Variants in BSPRY observed in about 807,000 individuals in gnomAD.
BSPRY encodes B box and SPRY domain-containing protein.
In BSPRY, 33 loss-of-function variants were observed where a neutral mutation model predicts 38.0. The observed-to-expected ratio is 0.87, with a 90% CI of 0.66 to 1.16. The LOEUF is 1.16. BSPRY is among the 50% of genes most tolerant of loss of function. The pLI is 0.00. For synonymous variants in BSPRY, 224 were observed against 228.5 expected (o/e 0.98, Z 0.18); for missense variants, 523 against 533.2 (o/e 0.98, Z 0.19).
At chr9:113,354,854 ATTC>A (rs1054673320) in intron 2 of BSPRY, among the ~76,000 whole-genome samples, 17 of 150,036 alleles carry the variant, frequency 1.1e-4, no homozygotes, top group African/African-American at 3.9e-4. Context: ...CCCACTGCTG[ATTC>A]TTTTTTTTAA....
intron 2 of BSPRY, among the ~76,000 whole-genome samples, chr9:113,360,244 A>G (rs1327626220): frequency 6.6e-6 from 1 of 152,196 alleles, no homozygotes; most frequent in African/African-American, 2.4e-5. Context: ...AGTCCTGCCC[A>G]GGTCTTCCAT....
rs745872082 is a variant in BSPRY, at chr9:113,370,074, G to C, written c.1141G>C (p.Val381Leu). 1.2e-6 allele frequency: 2 copies of C among 1,612,428 alleles called. No individual in the cohort carries two copies. Among genetic ancestry groups the C allele is most frequent in the South Asian group, 2.2e-5 (2 of 90,838 alleles). ...CGGCACAGTGCTCTGTGCCCATCAT[G>C]TGTCCTTCCCGGGGCCCCTCTTCCC... ...ASGTVLCAHH[V>L]SFPGPLFPVF... is the part of the protein sequence containing the mutation. Residue 381 changes from valine to leucine, a missense_variant, in exon 6 of 6, where the codon GTG becomes CTG. Val to Leu is a conservative substitution (Grantham distance 32). Transcript: ENST00000374183. This position sits in a 1 kb window ranked among gnomAD's most constrained non-coding sequence, Gnocchi z 4.8.
chr9:113,362,292 G>A, intron 3 of BSPRY, 77 bp from the exon 4 acceptor site: 7 of 1,507,872 alleles, frequency 4.6e-6, no homozygotes, highest in Non-Finnish European at 6.4e-6. Flanking sequence ...GCCCTTTCTG[G>A]TAGTTAAATC....
rs769642845 is a variant in BSPRY, at chr9:113,370,331, A to G, written c.*189A>G. On this transcript the variant is annotated 3_prime_UTR_variant, in exon 6 of 6. Coordinates refer to ENST00000374183, the MANE Select transcript of BSPRY (RefSeq NM_017688.3). This position sits in a 1 kb window ranked among gnomAD's most constrained non-coding sequence, Gnocchi z 4.8. Reference sequence around the variant, plus strand: ...ATAACCTGTAAATCACAGGTGTCCAAACTTTTGGCTTCCCTGGGCCACATT... The same window carrying G: ...ATAACCTGTAAATCACAGGTGTCCAGACTTTTGGCTTCCCTGGGCCACATT... 1.2e-5 allele frequency: 7 copies of G among 583,028 alleles called. No individual in the cohort carries two copies. Among genetic ancestry groups the G allele is most frequent in the Admixed American group, 4.1e-5 (1 of 24,684 alleles). 36.1% of individuals were successfully genotyped at this position (583,028 alleles called of 1,614,324 possible).
chr9:113,360,989 T>C (rs1038130412), intron 3 of BSPRY, among the ~76,000 whole-genome samples: 2 of 152,038 alleles, frequency 1.3e-5, no homozygotes, highest in African/African-American at 4.8e-5. Context: ...GAAACCCCCA[T>C]CCTTGATATC....
intron 2 of BSPRY, among the ~76,000 whole-genome samples, chr9:113,357,600 G>C (rs1042383337): frequency 1.1e-4 from 17 of 152,198 alleles, no homozygotes; most frequent in South Asian, 6.2e-4. Flanking sequence ...TTAAGATAAA[G>C]TTGTTCTTAG....
rs1834053348 is a variant in BSPRY, at chr9:113,356,090, G to A, written c.300+1752G>A. Among the ~76,000 whole-genome samples the A allele has an allele frequency of 2.0e-5, 3 of 152,214 alleles. No homozygotes were observed. In the South Asian group the frequency reaches 6.2e-4, roughly 32 times the overall value. ...TGAAGCCTACATTCTTGTCACAGAA[G>A]AGGGACAGTAACAAAATCTATGTTA... On this transcript the variant is annotated intron_variant, in intron 2 of 5. Coordinates refer to ENST00000374183, the MANE Select transcript of BSPRY (RefSeq NM_017688.3).
chr9:113,351,514 T>G (rs1564331233), intron 1 of BSPRY, among the ~76,000 whole-genome samples: 1 of 152,234 alleles, frequency 6.6e-6, no homozygotes, highest in Non-Finnish European at 1.5e-5. Flanking sequence ...CTCAATTCTG[T>G]AACTTTGTAT....
chr9:113,356,958 G>A (rs1227634036), intron 2 of BSPRY, among the ~76,000 whole-genome samples: 3 of 152,164 alleles, frequency 2.0e-5, no homozygotes, highest in Non-Finnish European at 1.5e-5. Flanking sequence ...CTGCATATAT[G>A]AGTTGGGAGA....
intron 4 of BSPRY, among the ~76,000 whole-genome samples, chr9:113,367,711 C>T (rs966681344): frequency 3.3e-5 from 5 of 152,188 alleles, no homozygotes; most frequent in African/African-American, 1.2e-4. Flanking sequence ...ATACTGGCAC[C>T]AAGAACACAT....
chr9:113,365,924 C>G (rs1283447289), intron 4 of BSPRY, among the ~76,000 whole-genome samples: 2 of 151,548 alleles, frequency 1.3e-5, no homozygotes, highest in Non-Finnish European at 2.9e-5. Flanking sequence ...CCTGCCTCAG[C>G]CTGCCAAGTA....
chr9:113,354,817 C>G (rs1364001810), intron 2 of BSPRY, among the ~76,000 whole-genome samples: 1 of 152,108 alleles, frequency 6.6e-6, no homozygotes, highest in South Asian at 2.1e-4. Context: ...TCTTCTGTCT[C>G]CTAGGCTAGT....
chr9:113,357,904 A>C (rs4978538), intron 2 of BSPRY, among the ~76,000 whole-genome samples: 11 of 6,194 alleles, frequency 1.8e-3, no homozygotes, highest in East Asian at 0.056. Context: ...ATATATATAT[A>C]TATATATATA....
In BSPRY at chr9:113,360,741, A is replaced by G. The variant is rs749599992; in HGVS notation, c.531+4A>G. Reference sequence around the variant, plus strand: ...CCTGGATGACCTCCAGCTGATTGTAAGTCAGGCAAGGGTGAGGGCATGACC... The same window carrying G: ...CCTGGATGACCTCCAGCTGATTGTAGGTCAGGCAAGGGTGAGGGCATGACC... On this transcript the variant is annotated splice_donor_region_variant and intron_variant, in intron 3 of 5. Transcript: ENST00000374183. 6.4e-7 allele frequency: 1 copy of G among 1,574,256 alleles called. No homozygotes were observed. The highest frequency in any genetic ancestry group is 1.2e-5 in the South Asian group (1 of 86,082).
At chr9:113,354,434 C>T (rs1373239049) in intron 2 of BSPRY, 96 bp downstream of exon 2, 3 of 897,022 alleles carry the variant, frequency 3.3e-6, no homozygotes, top group Non-Finnish European at 3.6e-6. Context: ...ACCAACCTCA[C>T]AGACTCATTG....
At position 113,368,297 on chromosome 9, in the gene BSPRY, CG is replaced by C; in HGVS notation, c.598del (p.Glu200LysfsTer3). The C allele has an allele frequency of 6.2e-7, 1 of 1,614,094 alleles. No homozygotes were observed. Among genetic ancestry groups the C allele is most frequent in the Non-Finnish European group, 8.5e-7 (1 of 1,179,996 alleles). On this transcript the variant is annotated frameshift_variant, in exon 5 of 6. Transcript: ENST00000374183. LOFTEE classifies it high-confidence loss of function. ...EAEGILDPQE[S>X]EMLNFNEKCT... is the part of the protein sequence containing the mutation. ...GAGGGCATTTTGGATCCCCAGGAGTCGGAAATGTTAAACTTTAATGAGAAGT... is the reference window on the plus strand; with the variant it reads ...GAGGGCATTTTGGATCCCCAGGAGTCGAAATGTTAAACTTTAATGAGAAGT...
Position 113,356,377 on chromosome 9 carries a change from C to T in BSPRY, c.300+2039C>T, listed in dbSNP as rs140133214. ...AAAATTAGCAGGGCATGGTGGCGGG[C>T]GCCTGTATTCTCAGCTACTTGGGAG... On this transcript the variant is annotated intron_variant, in intron 2 of 5. Coordinates refer to ENST00000374183, the MANE Select transcript of BSPRY (RefSeq NM_017688.3). Among the ~76,000 whole-genome samples the T allele has an allele frequency of 2.3e-3, 355 of 152,086 alleles. 3 individuals are homozygous for T. The highest frequency in any genetic ancestry group is 6.8e-3 in the Middle Eastern group (2 of 292).
intron 2 of BSPRY, among the ~76,000 whole-genome samples, chr9:113,360,059 T>C (rs1432569870): frequency 2.6e-5 from 4 of 152,180 alleles, no homozygotes; most frequent in African/African-American, 9.7e-5. Flanking sequence ...TAGGAAGTCA[T>C]CAGTTTTTTC....
chr9:113,356,279 T>C (rs7858985), intron 2 of BSPRY, among the ~76,000 whole-genome samples: 101,887 of 151,824 alleles, frequency 0.67, 34,681 homozygotes, highest in African/African-American at 0.78. Context: ...CTGAGGCGGG[T>C]GGATCACGAG....
Sources: gnomAD v4.1 joint callset for allele counts (sites outside exome capture counted in the v4.1 genomes callset) on GRCh38, gnomAD v4.1.1 for gene constraint, Gnocchi (gnomAD v3.1) non-coding constraint, MANE v1.5 for transcripts, NCBI Gene and HGNC (gene_info 2026-07-23, HGNC 2026-07-21) for gene names.